Variants in LPXN observed in about 807,000 individuals in gnomAD.
The protein encoded by LPXN is leupaxin.
Under a neutral mutation model 45.6 loss-of-function variants are expected in LPXN, and 28 were observed. The ratio of observed to expected loss-of-function variants is 0.61; its 90% CI spans 0.45 to 0.84. The LOEUF is 0.84. Among genes scored for constraint, LPXN ranks in the 40% least tolerant of loss-of-function variants. LPXN has a pLI of 0.00. For missense variants in LPXN, 459 were observed against 475.0 expected, an observed-to-expected ratio of 0.97 and a Z score of 0.31; for synonymous variants, 166 against 169.9, an observed-to-expected ratio of 0.98 and a Z score of 0.18.
chr11:58,571,700 C>A (rs951132835), intron 1 of LPXN, among the ~76,000 whole-genome samples: 2 of 145,004 alleles, frequency 1.4e-5, no homozygotes, highest in African/African-American at 5.1e-5. Flanking sequence ...ATACTAGTAT[C>A]TATCTGTTAC....
At chr11:58,576,678 T>G (rs1399040064), upstream of LPXN, among the ~76,000 whole-genome samples, 1 of 152,172 alleles carries the variant, frequency 6.6e-6, no homozygotes, top group Admixed American at 6.5e-5. Flanking sequence ...AATGGTGAAA[T>G]AGGTTCATGT....
At position 58,527,309 on chromosome 11, in the gene LPXN, C is replaced by T. The variant is rs1853252931; in HGVS notation, c.*145G>A. ...GATTATCAGCCTAGTCATGTAAAGT[C>T]TAGAAGTTCCTTTATTTGCTCATCA... On this transcript the variant is annotated 3_prime_UTR_variant, in exon 9 of 9. Transcript: ENST00000395074. 1 of 737,720 alleles carries T rather than the reference C, an allele frequency of 1.4e-6. No homozygotes were observed. Among genetic ancestry groups the T allele is most frequent in the East Asian group, 2.6e-5 (1 of 37,956 alleles). 45.7% of individuals were successfully genotyped at this position (737,720 alleles called of 1,614,324 possible). A position where few individuals can be genotyped will look rare whatever the true frequency, so the allele number is the denominator to read the frequency against.
At chr11:58,538,541 T>A (rs1005669484) in intron 7 of LPXN, among the ~76,000 whole-genome samples, 1 of 152,178 alleles carries the variant, frequency 6.6e-6, no homozygotes, top group Non-Finnish European at 1.5e-5. Context: ...GAGCATTTTT[T>A]CATGTGTTTT....
chr11:58,571,869 G>T lies in LPXN; in HGVS notation c.14-1156C>A, dbSNP rs1306278615. Among the ~76,000 whole-genome samples, 7 of 152,046 alleles carry T rather than the reference G, an allele frequency of 4.6e-5. No homozygotes were observed. In the East Asian group the frequency reaches 1.3e-3, roughly 29 times the overall value. ...AGAGACAAAAATAATTTGCTTAAGC[G>T]CATGAATGCAGAACCAGGACTTGAA... is the stretch of plus-strand genomic sequence containing the variant. On this transcript the variant is annotated intron_variant, in intron 1 of 8. Coordinates refer to ENST00000395074, the MANE Select transcript of LPXN (RefSeq NM_004811.3).
At chr11:58,529,317 A>C (rs963348861) in intron 7 of LPXN, among the ~76,000 whole-genome samples, 1 of 152,180 alleles carries the variant, frequency 6.6e-6, no homozygotes, top group Non-Finnish European at 1.5e-5. Context: ...ATAATTAAAA[A>C]GTGAAAAAAT....
intron 2 of LPXN, among the ~76,000 whole-genome samples, chr11:58,569,778 T>A (rs1854628946): frequency 6.6e-6 from 1 of 152,170 alleles, no homozygotes; most frequent in Admixed American, 6.5e-5. Context: ...TATAAACTAA[T>A]AATTGAATCT....
chr11:58,541,203 C>G (rs1481623759), intron 7 of LPXN, among the ~76,000 whole-genome samples: 1 of 152,106 alleles, frequency 6.6e-6, no homozygotes, highest in Admixed American at 6.6e-5. Context: ...TCTAATTAAA[C>G]TAAGGAGCTT....
rs369951941 is a variant in LPXN at position 58,575,745 on chromosome 11, A to T, written c.13+15T>A. The T allele has an allele frequency of 1.9e-6, 3 of 1,614,038 alleles. No homozygotes were observed. Among genetic ancestry groups the T allele is most frequent in the Non-Finnish European group, 2.5e-6 (3 of 1,179,996 alleles). On this transcript the variant is annotated intron_variant, in intron 1 of 8. Transcript: ENST00000395074. ...CTTCACTCCCTCAGAGTTTCTCCTC[A>T]GGCTCCTCACTCACCTAACTCTTCC...
At chr11:58,546,187 G>T (rs1212117605) in intron 7 of LPXN, among the ~76,000 whole-genome samples, 1 of 152,058 alleles carries the variant, frequency 6.6e-6, no homozygotes, top group Non-Finnish European at 1.5e-5. Context: ...AAGAAAACTG[G>T]AACTTACGTC....
chr11:58,559,462 T>C (rs1375796082), intron 3 of LPXN, among the ~76,000 whole-genome samples: 1 of 152,182 alleles, frequency 6.6e-6, no homozygotes, highest in African/African-American at 2.4e-5. Flanking sequence ...AAATAAATAA[T>C]GGTTCATCCA....
At chr11:58,574,979 T>C (rs1471736816) in intron 1 of LPXN, among the ~76,000 whole-genome samples, 1 of 152,220 alleles carries the variant, frequency 6.6e-6, no homozygotes, top group Admixed American at 6.5e-5. Context: ...GGGTATAGTT[T>C]AGTGACTCAG....
chr11:58,540,180 G>A (rs1853673076), intron 7 of LPXN, among the ~76,000 whole-genome samples: 1 of 152,028 alleles, frequency 6.6e-6, no homozygotes, highest in Non-Finnish European at 1.5e-5. Flanking sequence ...GCAAAAAACA[G>A]TATCATGAGA....
intron 4 of LPXN, 130 bp from the exon 5 acceptor site, chr11:58,551,362 TG>T (rs1257773803): frequency 1.5e-6 from 1 of 650,232 alleles, no homozygotes; most frequent in African/African-American, 1.9e-5. Context: ...TGCAAGACAT[TG>T]GAAAAATCTA....
At chr11:58,548,818 T>C (rs186775485) in intron 7 of LPXN, among the ~76,000 whole-genome samples, 1 of 152,310 alleles carries the variant, frequency 6.6e-6, no homozygotes, top group Non-Finnish European at 1.5e-5. Context: ...GATTTGAACC[T>C]GGAAGTCTGA....
chr11:58,540,156 G>C (rs753886141), intron 7 of LPXN, among the ~76,000 whole-genome samples: 6 of 151,976 alleles, frequency 3.9e-5, no homozygotes, highest in Non-Finnish European at 8.8e-5. Flanking sequence ...ATAGGAAATG[G>C]GGGCAGGAGT....
intron 2 of LPXN, 73 bp from the exon 3 acceptor site, chr11:58,564,274 C>T: frequency 1.1e-6 from 1 of 929,100 alleles, no homozygotes; most frequent in African/African-American, 1.7e-5. Context: ...CTTAATGATA[C>T]CCACAGTTAA....
intron 3 of LPXN, 48 bp downstream of exon 3, chr11:58,564,107 T>G (rs1854458409): frequency 8.6e-7 from 1 of 1,157,074 alleles, no homozygotes; most frequent in Non-Finnish European, 1.3e-6. Flanking sequence ...TGATAACAAT[T>G]ATCTACTAAC....
chr11:58,565,341 G>A (rs552714520), intron 2 of LPXN, among the ~76,000 whole-genome samples: 90 of 152,050 alleles, frequency 5.9e-4, no homozygotes, highest in African/African-American at 2.1e-3. Context: ...AGATCATCAC[G>A]GCTAACATGG....
chr11:58,527,216 T>C lies in LPXN; in HGVS notation c.*238A>G, dbSNP rs1043956925. On this transcript the variant is annotated 3_prime_UTR_variant, in exon 9 of 9. Transcript: ENST00000395074. ...AGAAGGACCTAGATCTAACTCCAAG[T>C]GCTTGATTGGAGAAGAGAGGGAGAA... 2.1e-6 allele frequency: 1 copy of C among 477,668 alleles called. No homozygotes were observed. Among genetic ancestry groups the C allele is most frequent in the Non-Finnish European group, 3.8e-6 (1 of 263,906 alleles). 29.6% of individuals were successfully genotyped at this position (477,668 alleles called of 1,614,324 possible).
Sources: gnomAD v4.1 joint callset for allele counts (sites outside exome capture counted in the v4.1 genomes callset) on GRCh38, gnomAD v4.1.1 for gene constraint, MANE v1.5 for transcripts, NCBI Gene and HGNC (gene_info 2026-07-23, HGNC 2026-07-21) for gene names.